The following ALPK2 variants were observed in gnomAD, a reference collection of about 807,000 sequenced individuals.
The protein encoded by ALPK2 is alpha kinase 2, also known as alpha-protein kinase 2.
A neutral mutation model predicts 163.1 loss-of-function variants in ALPK2; 127 were observed. The observed-to-expected ratio is 0.78, with a 90% CI of 0.67 to 0.90. ALPK2 has a LOEUF of 0.90. Among genes scored for constraint, ALPK2 ranks in the 40% least tolerant of loss-of-function variants. The pLI is 0.00. For missense variants in ALPK2, 2,360 were observed against 2,589.6 expected (o/e 0.91, Z 1.92); for synonymous variants, 953 against 959.1 (o/e 0.99, Z 0.12).
At chr18:58,612,137 G>A (rs1402628980) in intron 1 of ALPK2, among the ~76,000 whole-genome samples, 1 of 152,262 alleles carries the variant, frequency 6.6e-6, no homozygotes, top group East Asian at 1.9e-4. Flanking sequence ...GGGGAATGGG[G>A]GGGTGCCCTG....
At chr18:58,531,935 CAAAAAAAAAAAAAAAAA>C (rs35957271) in intron 5 of ALPK2, among the ~76,000 whole-genome samples, 4 of 49,614 alleles carry the variant, frequency 8.1e-5, no homozygotes, top group South Asian at 1.3e-3. Context: ...GGCTCCGTCT[CAAAAAAAAAAAAAAAAA>C]AAAAAAAAAA....
intron 3 of ALPK2, among the ~76,000 whole-genome samples, chr18:58,582,642 C>T (rs964722686): frequency 5.9e-5 from 9 of 151,742 alleles, no homozygotes; most frequent in Admixed American, 4.6e-4. Context: ...TGGGGCACAT[C>T]CTCAAGGGGT....
In ALPK2 at chr18:58,516,916, C is replaced by A; in HGVS notation, c.5932G>T (p.Ala1978Ser). The part of the protein sequence containing the change: ...DELIQRNYKL[A>S]AQECYVQNTA... ...TGGGCAGATGGACCCACCTGGGCAG[C>A]GAGTTTGTAGTTCCTTTGGATGAGC... Residue 1978 changes from alanine to serine, a missense_variant, in exon 9 of 13, where the codon GCT becomes TCT. Physicochemically the swap from Ala to Ser is moderately conservative, Grantham distance 99. Coordinates refer to ENST00000361673, the MANE Select transcript of ALPK2 (RefSeq NM_052947.4). 6.2e-7 allele frequency: 1 copy of A among 1,612,858 alleles called. No individual in the cohort carries two copies. Among genetic ancestry groups the A allele is most frequent in the Non-Finnish European group, 8.5e-7 (1 of 1,179,000 alleles).
rs568126501 is a variant in ALPK2, at chr18:58,575,946, A to T, written c.1962+2868T>A. ...TACAATATGGCCTTGTTCTTAGAAC[A>T]TTAGAGAGATGGAGTTTTTCTCAGC... On this transcript the variant is annotated intron_variant, in intron 4 of 12. Coordinates refer to ENST00000361673, the MANE Select transcript of ALPK2 (RefSeq NM_052947.4). 2.2e-4 allele frequency among the ~76,000 whole-genome samples: 33 copies of T among 152,350 alleles called. 1 individual carries two copies. In the East Asian group the frequency reaches 3.3e-3, roughly 15 times the overall value.
chr18:58,573,117 T>C (rs1426709769), intron 4 of ALPK2, among the ~76,000 whole-genome samples: 12 of 151,844 alleles, frequency 7.9e-5, no homozygotes, highest in African/African-American at 2.9e-4. Flanking sequence ...AAAAACATTA[T>C]ACTTAGTGTA....
intron 3 of ALPK2, among the ~76,000 whole-genome samples, chr18:58,584,541 G>A (rs2051976069): frequency 6.6e-6 from 1 of 152,244 alleles, no homozygotes; most frequent in African/African-American, 2.4e-5. Context: ...ACGACACAGT[G>A]TAGAGATCAT....
intron 1 of ALPK2, among the ~76,000 whole-genome samples, chr18:58,624,698 C>A (rs2052220473): frequency 6.6e-6 from 1 of 152,340 alleles, no homozygotes; most frequent in East Asian, 1.9e-4. Context: ...AAGTGATCCA[C>A]CCACCTTGGC....
chr18:58,577,691 G>T (rs1411433289), intron 4 of ALPK2, among the ~76,000 whole-genome samples: 1 of 152,158 alleles, frequency 6.6e-6, no homozygotes, highest in African/African-American at 2.4e-5. Flanking sequence ...TGGCCAGTTT[G>T]GCCAGCAGAA....
chr18:58,548,764 G>C (rs1602212398), intron 4 of ALPK2, among the ~76,000 whole-genome samples: 1 of 152,136 alleles, frequency 6.6e-6, no homozygotes, highest in Non-Finnish European at 1.5e-5. Flanking sequence ...TATTGAGATC[G>C]CTGAGAGGGA....
At chr18:58,525,178 A>G (rs1197725064) in intron 6 of ALPK2, among the ~76,000 whole-genome samples, 1 of 152,196 alleles carries the variant, frequency 6.6e-6, no homozygotes, top group Non-Finnish European at 1.5e-5. Flanking sequence ...TGGTTTTTCA[A>G]TAGACTTCAA....
chr18:58,562,506 A>G (rs2051830404), intron 4 of ALPK2, among the ~76,000 whole-genome samples: 1 of 152,184 alleles, frequency 6.6e-6, no homozygotes. Flanking sequence ...AAGAACCTAG[A>G]GCCTCCCAGT....
chr18:58,537,800 C>G lies in ALPK2; in HGVS notation c.2387G>C (p.Arg796Thr). Residue 796 changes from arginine (R) to threonine (T), a missense_variant, in exon 5 of 13, where the codon AGG becomes ACG. Arg to Thr is a moderately conservative substitution (Grantham distance 71, BLOSUM62 -1). Coordinates refer to ENST00000361673, the MANE Select transcript of ALPK2 (RefSeq NM_052947.4). ...LTLENVCDEP[R>T]DREAVCAMEC... The stretch of plus-strand genomic sequence containing the variant: ...CATTGCACACACTGCTTCTCTGTCC[C>G]TTGGCTCATCACACACATTTTCCAG... The G allele has an allele frequency of 6.2e-7, 1 of 1,614,180 alleles. No individual in the cohort carries two copies. Among genetic ancestry groups the G allele is most frequent in the Non-Finnish European group, 8.5e-7 (1 of 1,180,026 alleles).
intron 1 of ALPK2, among the ~76,000 whole-genome samples, chr18:58,619,120 G>C (rs1024227371): frequency 6.6e-6 from 1 of 152,238 alleles, no homozygotes; most frequent in Non-Finnish European, 1.5e-5. Flanking sequence ...CTTATCCAAA[G>C]ATGGTTTCTG....
intron 12 of ALPK2, among the ~76,000 whole-genome samples, chr18:58,497,021 C>T (rs1021250044): frequency 6.6e-6 from 1 of 152,206 alleles, no homozygotes; most frequent in South Asian, 2.1e-4. Context: ...TGTTTATCCT[C>T]CCTCACCTAT....
At chr18:58,505,331 C>T (rs960297279) in intron 10 of ALPK2, among the ~76,000 whole-genome samples, 1 of 152,128 alleles carries the variant, frequency 6.6e-6, no homozygotes, top group African/African-American at 2.4e-5. Flanking sequence ...CCTCCCCCAA[C>T]CGCACCCTCA....
chr18:58,574,385 G>A (rs1432175148), intron 4 of ALPK2, among the ~76,000 whole-genome samples: 8 of 144,426 alleles, frequency 5.5e-5, no homozygotes, highest in African/African-American at 2.1e-4. Context: ...GGAGGCGGAG[G>A]TTGCAGTGAG....
At chr18:58,626,345 G>A (rs1354055723) in intron 1 of ALPK2, among the ~76,000 whole-genome samples, 2 of 152,112 alleles carry the variant, frequency 1.3e-5, no homozygotes, top group East Asian at 3.9e-4. Flanking sequence ...CCCACGGTGC[G>A]ATCCCTATCC....
At chr18:58,578,696 T>G in intron 4 of ALPK2, 118 bp downstream of exon 4, 1 of 911,996 alleles carries the variant, frequency 1.1e-6, no homozygotes, top group Admixed American at 2.6e-5. Flanking sequence ...TGATTTACAT[T>G]ATGGTATAGC....
intron 2 of ALPK2, among the ~76,000 whole-genome samples, chr18:58,609,437 G>A (rs753688377): frequency 4.6e-5 from 7 of 152,160 alleles, no homozygotes; most frequent in Non-Finnish European, 1.0e-4. Flanking sequence ...TCCTTTATAG[G>A]AAGCAGTGAA....
Sources: gnomAD v4.1 joint callset for allele counts (sites outside exome capture counted in the v4.1 genomes callset) on GRCh38, gnomAD v4.1.1 for gene constraint, MANE v1.5 for transcripts, NCBI Gene and HGNC (gene_info 2026-07-23, HGNC 2026-07-21) for gene names.